Variants in PIP5K1C observed in about 807,000 individuals in gnomAD.
PIP5K1C encodes the protein phosphatidylinositol 4-phosphate 5-kinase type-1 gamma.
A neutral mutation model predicts 80.1 loss-of-function variants in PIP5K1C; 45 were observed. The ratio of observed to expected loss-of-function variants is 0.56; its 90% CI spans 0.44 to 0.72. The LOEUF (loss-of-function observed/expected upper bound fraction) is 0.72. Ranked by LOEUF, PIP5K1C falls within the 30% of genes least tolerant of loss-of-function variation. PIP5K1C has a pLI of 0.00. For synonymous variants in PIP5K1C, 498 were observed against 420.1 expected (o/e 1.19, Z -2.27); for missense variants, 753 against 954.6 (o/e 0.79, Z 2.78).
At chr19:3,666,261 G>T (rs2035004058) in intron 2 of PIP5K1C, among the ~76,000 whole-genome samples, 1 of 152,224 alleles carries the variant, frequency 6.6e-6, no homozygotes. Context: ...GTGCCCTGAG[G>T]ACTGCATGCG....
chr19:3,664,693 C>T (rs1311207708), intron 3 of PIP5K1C, 129 bp downstream of exon 3: 1 of 827,004 alleles, frequency 1.2e-6, no homozygotes, highest in East Asian at 2.5e-5. Context: ...CTCCACACAG[C>T]CCACACCTGT....
At chr19:3,644,936 A>C (rs891411174) in intron 11 of PIP5K1C, among the ~76,000 whole-genome samples, 37 of 152,340 alleles carry the variant, frequency 2.4e-4, no homozygotes, top group Middle Eastern at 3.4e-3. Context: ...CAATCACCAA[A>C]GGCTGGCAAA....
At chr19:3,694,679 C>T (rs1351567520) in intron 1 of PIP5K1C, among the ~76,000 whole-genome samples, 1 of 152,370 alleles carries the variant, frequency 6.6e-6, no homozygotes, top group Admixed American at 6.5e-5. Context: ...TTCACTTCTG[C>T]GGCTCAAGTG....
In PIP5K1C at chr19:3,632,848, T is replaced by G; in HGVS notation, c.*319A>C. On this transcript the variant is annotated 3_prime_UTR_variant, in exon 18 of 18. Coordinates refer to ENST00000335312, the MANE Select transcript of PIP5K1C (RefSeq NM_012398.3). ...AGGGGCTCTTCTCCCTCTGGTTGGT[T>G]TGTTTGTGTCTTTTTTGTTCTTTTC... The G allele has an allele frequency of 5.1e-6, 2 of 391,158 alleles. No homozygotes were observed. Among genetic ancestry groups the G allele is most frequent in the Non-Finnish European group, 4.6e-6 (1 of 218,602 alleles). The allele number at this position is 391,158 out of a possible 1,614,324, so 24.2% of individuals were successfully genotyped here.
chr19:3,676,865 T>TGA (rs1174082889), intron 1 of PIP5K1C, among the ~76,000 whole-genome samples: 1 of 152,068 alleles, frequency 6.6e-6, no homozygotes, highest in Non-Finnish European at 1.5e-5. Flanking sequence ...TTTGGGAGGC[T>TGA]GAGGCAGGAG....
chr19:3,642,777 G>A (rs771435656), intron 14 of PIP5K1C, 130 bp downstream of exon 14: 2 of 793,598 alleles, frequency 2.5e-6, no homozygotes, highest in Non-Finnish European at 4.5e-6. Context: ...AGGGCCGAGT[G>A]CTACAATCTT....
Position 3,637,672 on chromosome 19 carries a change from G to A in PIP5K1C, c.1920+1212C>T. 3 of 1,509,804 alleles carry A rather than the reference G, an allele frequency of 2.0e-6. No homozygotes were observed. The highest frequency in any genetic ancestry group is 2.5e-5 in the East Asian group (1 of 40,650). 93.5% of individuals were successfully genotyped at this position (1,509,804 alleles called of 1,614,324 possible). A position where few individuals can be genotyped will look rare whatever the true frequency, so the allele number is the denominator to read the frequency against. On this transcript the variant is annotated intron_variant, in intron 16 of 17. Transcript: ENST00000335312. The surrounding 1 kb of genome is among the most constrained non-coding windows in gnomAD (Gnocchi z 7.0). ...AAGGAAAACAGAGGACAGCGGATGAGGCGGCCACCCCCGTGGTCGGGTGGG... is the reference window on the plus strand; with the variant it reads ...AAGGAAAACAGAGGACAGCGGATGAAGCGGCCACCCCCGTGGTCGGGTGGG...
intron 12 of PIP5K1C, 97 bp from the exon 13 acceptor site, chr19:3,643,478 G>C: frequency 1.9e-5 from 27 of 1,450,234 alleles, no homozygotes; most frequent in Non-Finnish European, 2.4e-5. Context: ...GGAACCCACA[G>C]CCCAGTGCCC....
intron 5 of PIP5K1C, among the ~76,000 whole-genome samples, chr19:3,660,164 A>G (rs1032785224): frequency 2.0e-5 from 3 of 152,280 alleles, no homozygotes; most frequent in African/African-American, 7.2e-5. Context: ...GCAGATCACG[A>G]GGTCAGGAGA....
At chr19:3,643,032 C>T in intron 13 of PIP5K1C, 93 bp from the exon 14 acceptor site, 1 of 1,509,668 alleles carries the variant, frequency 6.6e-7, no homozygotes. Flanking sequence ...CTACCTGCCC[C>T]CTGGCAGCCC....
At chr19:3,690,006 GTGTA>G (rs2035895368) in intron 1 of PIP5K1C, among the ~76,000 whole-genome samples, 2 of 151,988 alleles carry the variant, frequency 1.3e-5, no homozygotes, top group African/African-American at 4.8e-5. Flanking sequence ...TGAGCCCCAA[GTGTA>G]TGGGCCAGAG....
At chr19:3,676,755 C>T (rs527453403) in intron 1 of PIP5K1C, among the ~76,000 whole-genome samples, 114 of 152,234 alleles carry the variant, frequency 7.5e-4, no homozygotes, top group African/African-American at 2.5e-3. Context: ...ATGAATTTCA[C>T]GTCCCCCCAA....
At chr19:3,643,135 G>T (rs1004843759) in intron 13 of PIP5K1C, 108 bp downstream of exon 13, 1 of 1,553,388 alleles carries the variant, frequency 6.4e-7, no homozygotes, top group Non-Finnish European at 8.8e-7. Flanking sequence ...CCGTACATAC[G>T]ATGCTCCACC....
Position 3,653,478 on chromosome 19 carries a change from C to T in PIP5K1C, c.733G>A (p.Val245Met), listed in dbSNP as rs762080299. 6 of 1,613,860 alleles carry T rather than the reference C, an allele frequency of 3.7e-6. No homozygotes were observed. Among genetic ancestry groups the T allele is most frequent in the South Asian group, 1.1e-5 (1 of 91,090 alleles). The part of the protein sequence containing the change: ...VVVMNNILPR[V>M]VKMHLKFDLK... ...TCGAACTTGAGGTGCATCTTGACCA[C>T]GCGGGGCAGGATGTTGTTCATGACC... The change falls in exon 7 of 18, where the codon GTG becomes ATG. Residue 245 changes from valine (V) to methionine (M), a missense_variant. Val to Met is a conservative substitution (Grantham distance 21). Around this residue, in one of 6 missense-constraint regions of PIP5K1C, gnomAD observed 139 missense variants for 289.7 expected, o/e 0.48. Coordinates refer to ENST00000335312, the MANE Select transcript of PIP5K1C (RefSeq NM_012398.3).
chr19:3,647,029 G>A (rs2145420707), intron 10 of PIP5K1C, among the ~76,000 whole-genome samples: 1 of 139,672 alleles, frequency 7.2e-6, no homozygotes, highest in African/African-American at 2.7e-5. Context: ...AGGGAGGAGG[G>A]ATGGGAGGAG....
chr19:3,641,177 T>C (rs1413244726), intron 15 of PIP5K1C, among the ~76,000 whole-genome samples: 1 of 151,916 alleles, frequency 6.6e-6, no homozygotes, highest in East Asian at 2.0e-4. Flanking sequence ...ATTGAGCCAC[T>C]GCTCTCCAGC....
At chr19:3,680,462 T>G in intron 1 of PIP5K1C, among the ~76,000 whole-genome samples, 1 of 152,022 alleles carries the variant, frequency 6.6e-6, no homozygotes, top group South Asian at 2.1e-4. Context: ...CCGCCACTAT[T>G]CTCAGCTAAT....
chr19:3,695,560 C>T (rs1210856990), intron 1 of PIP5K1C, among the ~76,000 whole-genome samples: 1 of 152,172 alleles, frequency 6.6e-6, no homozygotes, highest in East Asian at 1.9e-4. Context: ...GGGCCGGCCC[C>T]CGAGGCCTCT....
In PIP5K1C at chr19:3,637,846, G is replaced by C. The variant is rs1475444667; in HGVS notation, c.1920+1038C>G. ...GCATCAGGACACAGACACACAGCAC[G>C]ACATGGCCCCCAGGCCCCCCGTACC... On this transcript the variant is annotated intron_variant, in intron 16 of 17. Transcript: ENST00000335312. The surrounding 1 kb of genome is among the most constrained non-coding windows in gnomAD (Gnocchi z 7.0). 1 of 1,535,222 alleles carries C rather than the reference G, an allele frequency of 6.5e-7. No individual in the cohort carries two copies. Among genetic ancestry groups the C allele is most frequent in the Admixed American group, 2.0e-5 (1 of 50,976 alleles).
Sources: gnomAD v4.1 joint callset for allele counts (sites outside exome capture counted in the v4.1 genomes callset) on GRCh38, gnomAD v4.1.1 for gene constraint, gnomAD v4.1.1 regional missense constraint, Gnocchi (gnomAD v3.1) non-coding constraint, MANE v1.5 for transcripts, NCBI Gene and HGNC (gene_info 2026-07-23, HGNC 2026-07-21) for gene names.